Variants in TNFAIP8 observed in about 807,000 individuals in gnomAD.
TNFAIP8 encodes the protein tumor necrosis factor alpha-induced protein 8.
Under a neutral mutation model 13.3 loss-of-function variants are expected in TNFAIP8, and 7 were observed. The observed-to-expected ratio is 0.52, with a 90% CI of 0.30 to 0.99. The LOEUF (loss-of-function observed/expected upper bound fraction) is 0.99, where lower values mean the gene tolerates loss of function less well. TNFAIP8 is among the 50% of genes least tolerant of loss of function. The pLI, the probability that TNFAIP8 is intolerant of heterozygous loss-of-function variation, is 0.07. For synonymous variants in TNFAIP8, 94 were observed against 87.6 expected (o/e 1.07, Z -0.41); for missense variants, 258 against 236.9 (o/e 1.09, Z -0.58).
intron 1 of TNFAIP8, among the ~76,000 whole-genome samples, chr5:119,297,114 G>A (rs1378285223): frequency 2.6e-5 from 4 of 152,044 alleles, no homozygotes; most frequent in African/African-American, 9.7e-5. Flanking sequence ...CTTCAGTTCT[G>A]CTCTGATTTT....
chr5:119,333,804 CT>C (rs1289916282), intron 1 of TNFAIP8, among the ~76,000 whole-genome samples: 1 of 152,068 alleles, frequency 6.6e-6, no homozygotes, highest in Admixed American at 6.6e-5. Context: ...TGCTATGGCT[CT>C]GGGTGTGGGG....
chr5:119,359,936 G>A (rs987827940), intron 1 of TNFAIP8, among the ~76,000 whole-genome samples: 9 of 152,228 alleles, frequency 5.9e-5, no homozygotes, highest in Non-Finnish European at 1.2e-4. Flanking sequence ...GGCTTGGAGT[G>A]TTGTGTGCTG....
intron 1 of TNFAIP8, among the ~76,000 whole-genome samples, chr5:119,299,577 A>G (rs180921348): frequency 6.6e-6 from 1 of 152,238 alleles, no homozygotes; most frequent in East Asian, 1.9e-4. Flanking sequence ...CCTCGTGAGG[A>G]GGCAGTCTGT....
At chr5:119,308,390 A>G in intron 1 of TNFAIP8, among the ~76,000 whole-genome samples, 1 of 102,448 alleles carries the variant, frequency 9.8e-6, no homozygotes, top group African/African-American at 4.0e-5. Context: ...TACGTTTCCC[A>G]CCTTTTTTTT....
chr5:119,361,233 G>GCC (rs556848661), intron 1 of TNFAIP8, among the ~76,000 whole-genome samples: 48 of 152,168 alleles, frequency 3.2e-4, no homozygotes, highest in South Asian at 4.1e-4. Flanking sequence ...GCAGCGCACT[G>GCC]CCCCCCCAGC....
chr5:119,312,353 G>A (rs866057063), intron 1 of TNFAIP8, among the ~76,000 whole-genome samples: 1 of 152,144 alleles, frequency 6.6e-6, no homozygotes, highest in African/African-American at 2.4e-5. Context: ...CTCATATCAC[G>A]AGGATGAAAA....
At chr5:119,268,759 C>T (rs1748165779) in exon 1 of TNFAIP8, 2 of 662,982 alleles carry the variant, frequency 3.0e-6, no homozygotes, top group Admixed American at 2.2e-5. Flanking sequence ...CGCCCCTGGC[C>T]TCTGCCTCCT....
chr5:119,312,803 G>A (rs1279853641), intron 1 of TNFAIP8, among the ~76,000 whole-genome samples: 4 of 151,514 alleles, frequency 2.6e-5, no homozygotes, highest in Non-Finnish European at 2.9e-5. Flanking sequence ...GAAAATGTTG[G>A]GTAACTACAG....
intron 1 of TNFAIP8, among the ~76,000 whole-genome samples, chr5:119,341,629 G>A (rs529211989): frequency 3.7e-4 from 56 of 152,266 alleles, no homozygotes; most frequent in African/African-American, 1.3e-3. Context: ...GGCTAACTCT[G>A]GGATAAGAGT....
intron 1 of TNFAIP8, among the ~76,000 whole-genome samples, chr5:119,349,053 A>G (rs1280183250): frequency 1.3e-5 from 2 of 152,078 alleles, no homozygotes; most frequent in African/African-American, 4.8e-5. Context: ...CCTCAGCCCC[A>G]CCTTTCCTCT....
rs1004189211 is a variant in TNFAIP8, at chr5:119,393,534, G to C, written c.*153G>C. On this transcript the variant is annotated 3_prime_UTR_variant, in exon 2 of 2. Coordinates refer to ENST00000504771, the MANE Select transcript of TNFAIP8 (RefSeq NM_014350.4). ...GTCAGACATAATGATTTATTTGAAG[G>C]CTTGTTTTATTTGAAGAAAAGCATA... The C allele has an allele frequency of 7.0e-6, 6 of 862,300 alleles. No individual in the cohort carries two copies. Among genetic ancestry groups the C allele is most frequent in the Middle Eastern group, 3.6e-4 (1 of 2,794 alleles). The allele number at this position is 862,300 out of a possible 1,614,324, so 53.4% of individuals were successfully genotyped here.
chr5:119,276,039 A>G (rs183748904), intron 1 of TNFAIP8, among the ~76,000 whole-genome samples: 53 of 152,100 alleles, frequency 3.5e-4, no homozygotes, highest in African/African-American at 1.2e-3. Flanking sequence ...GCAGGGGCAG[A>G]GGATTAACCA....
chr5:119,284,538 C>G (rs569061734), intron 1 of TNFAIP8, among the ~76,000 whole-genome samples: 1 of 151,898 alleles, frequency 6.6e-6, no homozygotes, highest in Non-Finnish European at 1.5e-5. Flanking sequence ...AAAATTAGCC[C>G]GGCATGGTGG....
At chr5:119,369,297 G>T (rs562900702) in intron 1 of TNFAIP8, among the ~76,000 whole-genome samples, 1 of 151,974 alleles carries the variant, frequency 6.6e-6, no homozygotes, top group African/African-American at 2.4e-5. Flanking sequence ...CAAGTGATCC[G>T]CCTGCCTGGG....
chr5:119,287,647 T>G (rs1748846793), intron 1 of TNFAIP8, among the ~76,000 whole-genome samples: 1 of 152,188 alleles, frequency 6.6e-6, no homozygotes, highest in Non-Finnish European at 1.5e-5. Flanking sequence ...GCTGTCTGCT[T>G]CTAGGAAGTA....
chr5:119,286,805 C>T (rs1748812991), intron 1 of TNFAIP8, among the ~76,000 whole-genome samples: 1 of 152,140 alleles, frequency 6.6e-6, no homozygotes, highest in Non-Finnish European at 1.5e-5. Context: ...GCAACTTCCT[C>T]TAGCCTCAGT....
chr5:119,275,409 T>A (rs1162168608), intron 1 of TNFAIP8, among the ~76,000 whole-genome samples: 1 of 152,122 alleles, frequency 6.6e-6, no homozygotes, highest in Admixed American at 6.6e-5. Context: ...GGTTTGTAGA[T>A]ACTGAACTGG....
intron 1 of TNFAIP8, among the ~76,000 whole-genome samples, chr5:119,334,990 T>A (rs1750506410): frequency 6.6e-6 from 1 of 152,030 alleles, no homozygotes; most frequent in African/African-American, 2.4e-5. Context: ...CATGAACCAT[T>A]TGAGAACGAA....
chr5:119,281,306 A>ACACAGACACACACACACACACACTCTCT lies in TNFAIP8; in HGVS notation c.1+12400_1+12401insACAGACACACACACACACACACTCTCTC. Among the ~76,000 whole-genome samples, 3 of 114,216 alleles carry ACACAGACACACACACACACACACTCTCT rather than the reference A, an allele frequency of 2.6e-5. No homozygotes were observed. The East Asian group carries it at 1.0e-3, about 39-fold the overall frequency. The allele number at this position is 114,216 out of a possible 152,430, so 74.9% of individuals were successfully genotyped here. ...CACACATACACACACACACACACAC[A>ACACAGACACACACACACACACACTCTCT]CTCTCTCTCTCTCACACTTACATGC... On this transcript the variant is annotated intron_variant, in intron 1 of 1. Transcript: ENST00000274456.
Sources: allele counts gnomAD v4.1 joint callset (sites outside exome capture counted in the v4.1 genomes callset), GRCh38; gene constraint gnomAD v4.1.1; transcripts MANE v1.5; gene names NCBI Gene and HGNC (gene_info 2026-07-23, HGNC 2026-07-21).